The following TFEB variants were observed in gnomAD, a reference collection of about 807,000 sequenced individuals.
TFEB encodes the protein T-cell transcription factor EB.
A neutral mutation model predicts 48.0 loss-of-function variants in TFEB; 12 were observed. The observed-to-expected ratio is 0.25, with a 90% CI of 0.16 to 0.40. The LOEUF is 0.40. Among genes scored for constraint, TFEB ranks in the 10% least tolerant of loss-of-function variants. TFEB has a pLI of 1.00. For synonymous variants in TFEB, 244 were observed against 261.4 expected (o/e 0.93, Z 0.64); for missense variants, 509 against 640.3 (o/e 0.79, Z 2.21).
At chr6:41,716,737 AC>A (rs949658186) in intron 1 of TFEB, among the ~76,000 whole-genome samples, 3 of 151,908 alleles carry the variant, frequency 2.0e-5, no homozygotes, top group Admixed American at 6.6e-5. Context: ...CTAAAAATAG[AC>A]TCTATAATGA....
chr6:41,705,264 C>T (rs945211983), intron 1 of TFEB, among the ~76,000 whole-genome samples: 1 of 152,194 alleles, frequency 6.6e-6, no homozygotes, highest in Non-Finnish European at 1.5e-5. Context: ...CTGCCTCTGC[C>T]TCCCACCTGC....
chr6:41,689,723 A>G lies in TFEB; in HGVS notation c.549+8T>C. On this transcript the variant is annotated splice_region_variant and intron_variant, in intron 4 of 8. Transcript: ENST00000373033. ...CTTGCACACCCACCCCACCCTAGCC[A>G]GGAGTACCGTGTTGGGCATCTGCAT... 6.2e-7 allele frequency: 1 copy of G among 1,600,836 alleles called. No homozygotes were observed. The highest frequency in any genetic ancestry group is 8.5e-7 in the Non-Finnish European group (1 of 1,170,504).
At chr6:41,726,729 G>A (rs1436793222) in intron 1 of TFEB, among the ~76,000 whole-genome samples, 2 of 152,028 alleles carry the variant, frequency 1.3e-5, no homozygotes, top group African/African-American at 4.8e-5. Context: ...GTGAGCCACC[G>A]CACCCAGCCA....
In TFEB at chr6:41,687,739, G is replaced by A. The variant is rs200862758; in HGVS notation, c.727+14C>T. 621 of 1,613,990 alleles carry A rather than the reference G, an allele frequency of 3.8e-4. 4 individuals carry two copies. The African/African-American group carries it at 7.2e-3, about 19-fold the overall frequency. Reference sequence around the variant, plus strand: ...GGAAGAGGGAGGCAGGGAGAGGGGCGGGGCAGGACTCACTTAAGTTGTGAT... The same window carrying A: ...GGAAGAGGGAGGCAGGGAGAGGGGCAGGGCAGGACTCACTTAAGTTGTGAT... On this transcript the variant is annotated intron_variant, in intron 6 of 8. Coordinates refer to ENST00000373033, the MANE Select transcript of TFEB (RefSeq NM_001271944.2).
At position 41,691,572 on chromosome 6, in the gene TFEB, T is replaced by C; in HGVS notation, c.-22-337A>G. ...AGATCCGACCTCATATCCACCCTCCTTTGCTGCCACAAGGTGGGCCCAGCC... is the reference window on the plus strand; with the variant it reads ...AGATCCGACCTCATATCCACCCTCCCTTGCTGCCACAAGGTGGGCCCAGCC... On this transcript the variant is annotated intron_variant, in intron 1 of 8. Transcript: ENST00000373033. This position sits in a 1 kb window ranked among gnomAD's most constrained non-coding sequence, Gnocchi z 5.2. 2.0e-6 allele frequency: 1 copy of C among 490,744 alleles called. No individual in the cohort carries two copies. The highest frequency in any genetic ancestry group is 2.0e-5 in the South Asian group (1 of 50,258). 30.4% of individuals were successfully genotyped at this position (490,744 alleles called of 1,614,324 possible).
At chr6:41,712,721 G>A (rs1770537210) in intron 1 of TFEB, among the ~76,000 whole-genome samples, 1 of 151,908 alleles carries the variant, frequency 6.6e-6, no homozygotes, top group South Asian at 2.1e-4. Flanking sequence ...GGCAGGCACG[G>A]GGCCCAGGCA....
intron 7 of TFEB, 170 bp downstream of exon 7, chr6:41,686,924 T>C: frequency 1.5e-6 from 1 of 663,764 alleles, no homozygotes; most frequent in East Asian, 2.7e-5. Context: ...TCTTGAGCTT[T>C]CCTGATTCTT....
At chr6:41,699,318 A>G (rs923552724) in intron 1 of TFEB, among the ~76,000 whole-genome samples, 2 of 152,258 alleles carry the variant, frequency 1.3e-5, no homozygotes, top group African/African-American at 4.8e-5. Context: ...GCATCCCTGC[A>G]TAAGTTCCTT....
At chr6:41,717,082 T>TC (rs1770769932) in intron 1 of TFEB, among the ~76,000 whole-genome samples, 1 of 152,108 alleles carries the variant, frequency 6.6e-6, no homozygotes. Context: ...TTGAGTTGTT[T>TC]CCCCACTCTA....
At chr6:41,689,008 A>G (rs1232790315) in intron 4 of TFEB, among the ~76,000 whole-genome samples, 1 of 152,196 alleles carries the variant, frequency 6.6e-6, no homozygotes, top group Admixed American at 6.5e-5. Context: ...CACACCTGCC[A>G]CCTTTGTAGA....
At chr6:41,699,110 A>G (rs1769762092) in intron 1 of TFEB, among the ~76,000 whole-genome samples, 2 of 152,208 alleles carry the variant, frequency 1.3e-5, no homozygotes. Flanking sequence ...GCTGGACTCA[A>G]TTGTCTGGGT....
Position 41,730,851 on chromosome 6 carries a change from G to A in TFEB, c.-23+4499C>T, listed in dbSNP as rs571329716. Among the ~76,000 whole-genome samples, 8 of 152,224 alleles carry A rather than the reference G, an allele frequency of 5.3e-5. No homozygotes were observed. The highest frequency in any genetic ancestry group is 8.8e-5 in the Non-Finnish European group (6 of 68,034). ...AGATGCTACCCAGGGAAACCCAAGT[G>A]GCAGGGCAGGGGTGGTAGAGATGCC... On this transcript the variant is annotated intron_variant, in intron 1 of 8. Transcript: ENST00000373033. This position sits in a 1 kb window ranked among gnomAD's most constrained non-coding sequence, Gnocchi z 4.1.
rs1430817204 is a variant in TFEB, at chr6:41,724,768, C to T, written c.-23+10582G>A. Among the ~76,000 whole-genome samples, 1 of 152,208 alleles carries T rather than the reference C, an allele frequency of 6.6e-6. No individual in the cohort carries two copies. The highest frequency in any genetic ancestry group is 1.5e-5 in the Non-Finnish European group (1 of 68,036). ...GGGCCCCAAGGCTCCCAGAGAACCCCTCATTTCTGCAGCCCTCATCAAAAG... is the reference window on the plus strand; with the variant it reads ...GGGCCCCAAGGCTCCCAGAGAACCCTTCATTTCTGCAGCCCTCATCAAAAG... On this transcript the variant is annotated intron_variant, in intron 1 of 8. Coordinates refer to ENST00000373033, the MANE Select transcript of TFEB (RefSeq NM_001271944.2). This position sits in a 1 kb window ranked among gnomAD's most constrained non-coding sequence, Gnocchi z 4.4.
At position 41,724,004 on chromosome 6, in the gene TFEB, G is replaced by A. The variant is rs1771102883; in HGVS notation, c.-23+11346C>T. ...CTTCCTGACTGGCCATACACCTGCA[G>A]TCTTGGCCTTGGGCCTTCCCAGGGC... On this transcript the variant is annotated intron_variant, in intron 1 of 8. Transcript: ENST00000373033. This position sits in a 1 kb window ranked among gnomAD's most constrained non-coding sequence, Gnocchi z 4.4. The A allele has an allele frequency of 2.1e-6, 1 of 480,598 alleles. No homozygotes were observed. The highest frequency in any genetic ancestry group is 2.2e-5 in the Admixed American group (1 of 45,928). The allele number at this position is 480,598 out of a possible 1,614,324, so 29.8% of individuals were successfully genotyped here.
intron 1 of TFEB, among the ~76,000 whole-genome samples, chr6:41,729,538 C>T (rs533209637): frequency 6.6e-6 from 1 of 152,324 alleles, no homozygotes; most frequent in Non-Finnish European, 1.5e-5. Context: ...TGCAATAATG[C>T]TACTTTAGCT....
At chr6:41,692,327 G>T (rs1769358826) in intron 1 of TFEB, among the ~76,000 whole-genome samples, 1 of 152,204 alleles carries the variant, frequency 6.6e-6, no homozygotes, top group South Asian at 2.1e-4. Flanking sequence ...GTGAAGAAAT[G>T]TATCTTATTT....
intron 1 of TFEB, 160 bp downstream of exon 1, chr6:41,735,190 G>A: frequency 2.2e-6 from 2 of 899,604 alleles, no homozygotes; most frequent in African/African-American, 1.8e-5. Context: ...GGGGGCGGAC[G>A]GACTGCGGGT....
intron 1 of TFEB, among the ~76,000 whole-genome samples, chr6:41,707,727 G>A (rs1232902095): frequency 6.6e-6 from 1 of 152,226 alleles, no homozygotes; most frequent in Admixed American, 6.5e-5. Context: ...GACAGAGCCT[G>A]TGCCAGGGCA....
intron 1 of TFEB, among the ~76,000 whole-genome samples, chr6:41,719,887 C>G (rs1770904094): frequency 6.6e-6 from 1 of 152,144 alleles, no homozygotes; most frequent in Admixed American, 6.5e-5. Flanking sequence ...GAGATTTAAC[C>G]TCTCTGGGCC....
Sources: allele counts gnomAD v4.1 joint callset (sites outside exome capture counted in the v4.1 genomes callset), GRCh38; gene constraint gnomAD v4.1.1; non-coding constraint Gnocchi (gnomAD v3.1); transcripts MANE v1.5; gene names NCBI Gene and HGNC (gene_info 2026-07-23, HGNC 2026-07-21).